WDR31: variants seen among roughly 807,000 people sequenced by gnomAD.
WDR31 encodes WD repeat-containing protein 31.
In WDR31, 30 loss-of-function variants were observed where a neutral mutation model predicts 47.3. That is an observed-to-expected ratio of 0.63 (90% CI 0.47 to 0.86). The LOEUF is 0.86. WDR31 is among the 40% of genes least tolerant of loss of function. The pLI, the probability that WDR31 is intolerant of heterozygous loss-of-function variation, is 0.00. For synonymous variants in WDR31, 137 were observed against 159.4 expected (o/e 0.86, Z 1.06); for missense variants, 406 against 442.9 (o/e 0.92, Z 0.75).
chr9:113,328,993 C>T, intron 4 of WDR31, 38 bp from the exon 5 acceptor site: 1 of 1,567,032 alleles, frequency 6.4e-7, no homozygotes, highest in African/African-American at 1.4e-5. Flanking sequence ...TTACTCAATT[C>T]TTGTTAAAGT....
At chr9:113,326,492 G>C (rs1410627491) in intron 5 of WDR31, among the ~76,000 whole-genome samples, 1 of 142,758 alleles carries the variant, frequency 7.0e-6, no homozygotes, top group African/African-American at 2.6e-5. Flanking sequence ...TTTCTGACTG[G>C]GTCTCGCTAT....
At chr9:113,325,632 T>G (rs1055727339) in intron 5 of WDR31, among the ~76,000 whole-genome samples, 11 of 152,022 alleles carry the variant, frequency 7.2e-5, no homozygotes, top group African/African-American at 2.4e-4. Context: ...TTTCTTTAAT[T>G]AGCACAATTA....
Position 113,321,541 on chromosome 9 carries a change from A to T in WDR31, c.608T>A (p.Ile203Lys). The change falls in exon 8 of 11, where the codon ATA becomes AAA. Residue 203 changes from isoleucine to lysine, a missense_variant. Ile to Lys is a moderately radical substitution (Grantham distance 102). Coordinates refer to ENST00000374193, the MANE Select transcript of WDR31 (RefSeq NM_001012361.4). ...HLCWVPREPY[I>K]LQTSEDKTLR... ...GGTTTTATCTTCAGAGGTCTGTAGT[A>T]TGTATGGTTCTCTGGGGACCCAGCA... 6.2e-7 allele frequency: 1 copy of T among 1,614,170 alleles called. No homozygotes were observed. The highest frequency in any genetic ancestry group is 1.1e-5 in the South Asian group (1 of 91,074).
At position 113,313,845 on chromosome 9, in the gene WDR31, T is replaced by C. The variant is rs965271399; in HGVS notation, c.*2904A>G. 1 of 152,122 alleles carries C rather than the reference T, an allele frequency of 6.6e-6. No individual in the cohort carries two copies. The highest frequency in any genetic ancestry group is 1.5e-5 in the Non-Finnish European group (1 of 68,030). The allele number at this position is 152,122 out of a possible 1,614,324, so 9.4% of individuals were successfully genotyped here. A position where few individuals can be genotyped will look rare whatever the true frequency, so the allele number is the denominator to read the frequency against. On this transcript the variant is annotated 3_prime_UTR_variant, in exon 11 of 11. Transcript: ENST00000374193. ...AAGGAATCAAAGGAGAGTGAAACGA[T>C]GACTAAAGGTTTAGAGGATAAGATC...
At chr9:113,332,356 C>T (rs117555081) in intron 2 of WDR31, among the ~76,000 whole-genome samples, 4,085 of 152,300 alleles carry the variant, frequency 0.027, 84 homozygotes, top group Non-Finnish European at 0.038. Context: ...ATGTTCACAG[C>T]AGCACTGTTC....
At chr9:113,339,126 A>G (rs1833776823) in intron 1 of WDR31, among the ~76,000 whole-genome samples, 1 of 152,018 alleles carries the variant, frequency 6.6e-6, no homozygotes, top group South Asian at 2.1e-4. Flanking sequence ...GAATCCCATC[A>G]CTTCTTTCTA....
In WDR31 at chr9:113,313,975, C is replaced by T. The variant is rs1400357003; in HGVS notation, c.*2774G>A. ...GAGATTGAGACCATCCTGGCTAACA[C>T]GGTGAAATCCCGTCTCTACTAAAAA... On this transcript the variant is annotated 3_prime_UTR_variant, in exon 11 of 11. Transcript: ENST00000374193. 1.3e-5 allele frequency: 2 copies of T among 151,866 alleles called. No individual in the cohort carries two copies. Among genetic ancestry groups the T allele is most frequent in the Non-Finnish European group, 2.9e-5 (2 of 68,070 alleles). The allele number at this position is 151,866 out of a possible 1,614,324, so 9.4% of individuals were successfully genotyped here. A position where few individuals can be genotyped will look rare whatever the true frequency, so the allele number is the denominator to read the frequency against.
At chr9:113,340,035 T>C (rs973648993) in intron 1 of WDR31, among the ~76,000 whole-genome samples, 182 bp downstream of exon 1, 31 of 152,018 alleles carry the variant, frequency 2.0e-4, no homozygotes, top group Admixed American at 3.9e-4. Flanking sequence ...GCGCCCGGCC[T>C]AAAGCTTATT....
At chr9:113,330,797 T>G (rs984852870) in intron 4 of WDR31, among the ~76,000 whole-genome samples, 187 bp downstream of exon 4, 1 of 152,142 alleles carries the variant, frequency 6.6e-6, no homozygotes, top group Non-Finnish European at 1.5e-5. Flanking sequence ...TCAAAAAAAT[T>G]TAAAGACTTG....
At chr9:113,317,136 A>G (rs113638348) in intron 10 of WDR31, among the ~76,000 whole-genome samples, 42 of 152,324 alleles carry the variant, frequency 2.8e-4, no homozygotes, top group African/African-American at 9.9e-4. Context: ...GATGCATACC[A>G]TCACCAAGAA....
intron 3 of WDR31, 147 bp from the exon 4 acceptor site, chr9:113,331,263 C>G: frequency 5.3e-6 from 3 of 563,322 alleles, no homozygotes; most frequent in Non-Finnish European, 8.7e-6. Context: ...AGAAGGGAGA[C>G]CCATTTACAT....
chr9:113,319,165 G>A (rs1588039105), intron 9 of WDR31, among the ~76,000 whole-genome samples: 5 of 152,336 alleles, frequency 3.3e-5, no homozygotes, highest in Non-Finnish European at 1.5e-5. Context: ...GCGTCTACAA[G>A]AGGGAAGTGC....
Position 113,331,957 on chromosome 9 carries a change from G to T in WDR31, c.66C>A (p.Val22=). ...PPQKVSFRFC[V]VMGKQQSKLK... is the part of the protein sequence containing the mutation. ...GTTTGCTTTGCTGTTTCCCCATCAC[G>T]ACACAAAACCTAAACGAAACCTTCT... The change falls in exon 3 of 11, where the codon GTC becomes GTA. Residue 22 remains valine, a synonymous_variant. Coordinates refer to ENST00000374193, the MANE Select transcript of WDR31 (RefSeq NM_001012361.4). 2 of 1,613,890 alleles carry T rather than the reference G, an allele frequency of 1.2e-6. No homozygotes were observed. Among genetic ancestry groups the T allele is most frequent in the South Asian group, 2.2e-5 (2 of 91,044 alleles).
chr9:113,326,247 T>C lies in WDR31; in HGVS notation c.324+2634A>G, dbSNP rs180845087. ...TTTAATAATATACCTTCAACTATAT[T>C]ATTGAGGAATGCTTTGCATATGGCA... On this transcript the variant is annotated intron_variant, in intron 5 of 10. Coordinates refer to ENST00000374193, the MANE Select transcript of WDR31 (RefSeq NM_001012361.4). Among the ~76,000 whole-genome samples, 4 of 152,320 alleles carry C rather than the reference T, an allele frequency of 2.6e-5. No homozygotes were observed. The East Asian group carries it at 5.8e-4, about 22-fold the overall frequency.
intron 10 of WDR31, 56 bp downstream of exon 10, chr9:113,318,419 A>G: frequency 3.1e-6 from 5 of 1,603,212 alleles, no homozygotes; most frequent in Non-Finnish European, 3.4e-6. Flanking sequence ...GGAGTTTTAA[A>G]GAAGGTTTTA....
At chr9:113,337,914 A>C (rs1833751552) in intron 1 of WDR31, among the ~76,000 whole-genome samples, 1 of 152,232 alleles carries the variant, frequency 6.6e-6, no homozygotes, top group South Asian at 2.1e-4. Flanking sequence ...GCCATTTTGC[A>C]GATGTGAAAA....
Position 113,323,088 on chromosome 9 carries a change from T to C in WDR31, c.392A>G (p.Asp131Gly), listed in dbSNP as rs766865693. 6.2e-7 allele frequency: 1 copy of C among 1,614,106 alleles called. No individual in the cohort carries two copies. Among genetic ancestry groups the C allele is most frequent in the South Asian group, 1.1e-5 (1 of 91,074 alleles). The part of the protein sequence containing the change: ...ASRDRMVMMW[D>G]LHGSSQPRQQ... ...CCTTGGTTGTGAGGAACCGTGCAAG[T>C]CCCACATCATGACCATCCTGTCACG... The change falls in exon 6 of 11, where the codon GAC (aspartate) becomes GGC (glycine). Residue 131 changes from aspartate (D) to glycine (G), a missense_variant. Coordinates refer to ENST00000374193, the MANE Select transcript of WDR31 (RefSeq NM_001012361.4).
intron 2 of WDR31, among the ~76,000 whole-genome samples, chr9:113,332,837 C>CA (rs2118846724): frequency 6.6e-6 from 1 of 152,304 alleles, no homozygotes; most frequent in South Asian, 2.1e-4. Context: ...TACTTGGTGA[C>CA]ATCTCCCTGG....
At chr9:113,330,465 G>A (rs1483449765) in intron 4 of WDR31, among the ~76,000 whole-genome samples, 1 of 152,178 alleles carries the variant, frequency 6.6e-6, no homozygotes, top group Non-Finnish European at 1.5e-5. Context: ...CAGCTGTGAG[G>A]GCTATGATAG....
Sources: gnomAD v4.1 joint callset for allele counts (sites outside exome capture counted in the v4.1 genomes callset) on GRCh38, gnomAD v4.1.1 for gene constraint, MANE v1.5 for transcripts, NCBI Gene and HGNC (gene_info 2026-07-23, HGNC 2026-07-21) for gene names.